The following RIMBP2 variants were observed in gnomAD, a reference collection of about 807,000 sequenced individuals.
RIMBP2 encodes RIMS binding protein 2.
Under a neutral mutation model 118.6 loss-of-function variants are expected in RIMBP2, and 48 were observed. The ratio of observed to expected loss-of-function variants is 0.40; its 90% CI spans 0.32 to 0.51. The LOEUF is 0.51. Ranked by LOEUF, RIMBP2 falls within the 20% of genes least tolerant of loss-of-function variation. The pLI, the probability that RIMBP2 is intolerant of heterozygous loss-of-function variation, is 0.41. For synonymous variants in RIMBP2, 762 were observed against 742.9 expected (o/e 1.03, Z -0.42); for missense variants, 1,551 against 1,768.3 (o/e 0.88, Z 2.20).
At chr12:130,582,987 A>C (rs2140210214) in intron 2 of RIMBP2, among the ~76,000 whole-genome samples, 1 of 152,350 alleles carries the variant, frequency 6.6e-6, no homozygotes, top group African/African-American at 2.4e-5. Flanking sequence ...TCTATACTTA[A>C]GAATGTTCAA....
intron 5 of RIMBP2, among the ~76,000 whole-genome samples, chr12:130,471,020 A>G (rs570176941): frequency 5.8e-4 from 89 of 152,278 alleles, no homozygotes; most frequent in African/African-American, 2.0e-3. Context: ...CATCCCTCCA[A>G]TGCCTCTGAC....
intron 9 of RIMBP2, among the ~76,000 whole-genome samples, chr12:130,445,639 T>C (rs2078460756): frequency 1.3e-5 from 2 of 152,204 alleles, no homozygotes; most frequent in African/African-American, 4.8e-5. Flanking sequence ...AATAATACAA[T>C]TTAGTGAAAA....
At chr12:130,652,436 A>C (rs2063266141) in intron 1 of RIMBP2, among the ~76,000 whole-genome samples, 1 of 152,214 alleles carries the variant, frequency 6.6e-6, no homozygotes, top group Admixed American at 6.5e-5. Flanking sequence ...TAACTTCTAA[A>C]TGGCTTGTAG....
chr12:130,676,228 A>G (rs1415809016), intron 1 of RIMBP2, among the ~76,000 whole-genome samples: 1 of 152,266 alleles, frequency 6.6e-6, no homozygotes, highest in East Asian at 1.9e-4. Context: ...GTGTTCACAC[A>G]AAAACCTGTA....
chr12:130,480,712 T>C (rs2081918875), intron 4 of RIMBP2, among the ~76,000 whole-genome samples: 1 of 152,158 alleles, frequency 6.6e-6, no homozygotes, highest in African/African-American at 2.4e-5. Flanking sequence ...GCTACTCTCG[T>C]GCTTCAGCCT....
chr12:130,572,544 C>A (rs986453611), intron 2 of RIMBP2, among the ~76,000 whole-genome samples: 1 of 152,074 alleles, frequency 6.6e-6, no homozygotes, highest in Non-Finnish European at 1.5e-5. Flanking sequence ...TTTTACTGGG[C>A]TGCGTGAACT....
At chr12:130,466,821 A>G (rs1467568011) in intron 6 of RIMBP2, among the ~76,000 whole-genome samples, 3 of 152,218 alleles carry the variant, frequency 2.0e-5, no homozygotes, top group Non-Finnish European at 2.9e-5. Context: ...ACCCGAGACA[A>G]AGGTATATCT....
intron 7 of RIMBP2, among the ~76,000 whole-genome samples, chr12:130,453,288 G>A (rs995040472): frequency 4.6e-5 from 7 of 152,190 alleles, no homozygotes; most frequent in East Asian, 1.9e-4. Flanking sequence ...TACAGGGCGC[G>A]AGTCCCTTTG....
At chr12:130,510,420 A>T (rs1247653080) in intron 3 of RIMBP2, among the ~76,000 whole-genome samples, 2 of 151,848 alleles carry the variant, frequency 1.3e-5, no homozygotes, top group African/African-American at 4.9e-5. Context: ...AGGAAGGTGA[A>T]GAGTCCAGAC....
At chr12:130,608,708 G>A (rs142000779) in intron 2 of RIMBP2, among the ~76,000 whole-genome samples, 9 of 152,304 alleles carry the variant, frequency 5.9e-5, no homozygotes, top group Middle Eastern at 3.4e-3. Flanking sequence ...CATGTATCAC[G>A]TGGCATTTTG....
At chr12:130,439,222 TTG>T (rs2077810349) in intron 11 of RIMBP2, among the ~76,000 whole-genome samples, 1 of 151,708 alleles carries the variant, frequency 6.6e-6, no homozygotes, top group South Asian at 2.1e-4. Context: ...GTGGATGTGT[TTG>T]TGTGTAGATG....
intron 1 of RIMBP2, among the ~76,000 whole-genome samples, chr12:130,681,301 T>C (rs1403848349): frequency 1.3e-5 from 2 of 151,446 alleles, no homozygotes; most frequent in Admixed American, 6.6e-5. Flanking sequence ...AAAATAAAAA[T>C]AAATGCATGT....
At chr12:130,524,506 C>T (rs928071203) in intron 2 of RIMBP2, among the ~76,000 whole-genome samples, 2 of 152,170 alleles carry the variant, frequency 1.3e-5, no homozygotes, top group Non-Finnish European at 2.9e-5. Context: ...TCTGGCTGGA[C>T]AGGCACTGGG....
chr12:130,479,163 GCCAACAGGGCTCCT>G, intron 4 of RIMBP2, 147 bp from the exon 5 acceptor site: 1 of 543,980 alleles, frequency 1.8e-6, no homozygotes, highest in Non-Finnish European at 3.2e-6. Context: ...CCTCCGTGCT[GCCAACAGGGCTCCT>G]CCAGAGGCGG....
intron 12 of RIMBP2, 30 bp downstream of exon 12, chr12:130,438,335 A>ACGGGCCCCCCCC: frequency 1.2e-6 from 1 of 865,014 alleles, no homozygotes; most frequent in South Asian, 1.3e-5. Flanking sequence ...GGCCTAACAA[A>ACGGGCCCCCCCC]CCCTCCCCAC....
chr12:130,543,547 A>C (rs2054804001), intron 2 of RIMBP2, among the ~76,000 whole-genome samples: 1 of 152,166 alleles, frequency 6.6e-6, no homozygotes, highest in Non-Finnish European at 1.5e-5. Flanking sequence ...TTGGGGACTC[A>C]AAGCTCTTCT....
chr12:130,490,123 CAA>C (rs35698241), intron 4 of RIMBP2, among the ~76,000 whole-genome samples: 79 of 95,428 alleles, frequency 8.3e-4, no homozygotes, highest in East Asian at 1.8e-3. Context: ...GACTCTGTCT[CAA>C]AAAAAAAAAA....
In RIMBP2 at chr12:130,599,421, A is replaced by T. The variant is rs138410947; in HGVS notation, c.-217+28901T>A. Among the ~76,000 whole-genome samples, 1,209 of 152,356 alleles carry T rather than the reference A, an allele frequency of 7.9e-3. 16 individuals are homozygous for T. Among genetic ancestry groups the T allele is most frequent in the South Asian group, 0.02 (95 of 4,824 alleles). ...AAGAATTTTCAATATTCAATAAAAA[A>T]CAAGCCATCCAATTAAACTAATGGG... On this transcript the variant is annotated intron_variant, in intron 2 of 22. Transcript: ENST00000690449.
intron 1 of RIMBP2, among the ~76,000 whole-genome samples, chr12:130,677,338 A>G (rs553797878): frequency 6.6e-6 from 1 of 152,242 alleles, no homozygotes; most frequent in South Asian, 2.1e-4. Context: ...CATTAAGGTT[A>G]TCTTTAGGGC....
Sources: allele counts gnomAD v4.1 joint callset (sites outside exome capture counted in the v4.1 genomes callset), GRCh38; gene constraint gnomAD v4.1.1; transcripts MANE v1.5; gene names NCBI Gene and HGNC (gene_info 2026-07-23, HGNC 2026-07-21).